The following NCAN variants were observed in gnomAD, a reference collection of about 807,000 sequenced individuals.
NCAN encodes neurocan core protein.
Under a neutral mutation model 121.8 loss-of-function variants are expected in NCAN, and 47 were observed. The observed-to-expected ratio is 0.39, with a 90% CI of 0.31 to 0.49. The LOEUF is 0.49. Ranked by LOEUF, NCAN falls within the 20% of genes least tolerant of loss-of-function variation. The pLI, the probability that NCAN is intolerant of heterozygous loss-of-function variation, is 0.92. For missense variants in NCAN, 1,517 were observed against 1,773.4 expected (o/e 0.86, Z 2.60); for synonymous variants, 633 against 702.0 (o/e 0.90, Z 1.55).
intron 1 of NCAN, among the ~76,000 whole-genome samples, chr19:19,213,192 C>T (rs1049974084): frequency 6.6e-6 from 1 of 152,096 alleles, no homozygotes; most frequent in African/African-American, 2.4e-5. Context: ...CCAGCCGTCG[C>T]AATAGCTGAT....
At chr19:19,218,791 C>A in intron 2 of NCAN, 124 bp from the exon 3 acceptor site, 2 of 997,104 alleles carry the variant, frequency 2.0e-6, no homozygotes, top group Non-Finnish European at 2.7e-6. Flanking sequence ...ATTCTGAGGT[C>A]AAGTGGCCCT....
At position 19,211,965 on chromosome 19, in the gene NCAN, A is replaced by G; in HGVS notation, c.-107A>G. 1 of 178,332 alleles carries G rather than the reference A, an allele frequency of 5.6e-6. No individual in the cohort carries two copies. The highest frequency in any genetic ancestry group is 7.0e-5 in the South Asian group (1 of 14,240). The allele number at this position is 178,332 out of a possible 1,614,324, so 11.0% of individuals were successfully genotyped here. A position where few individuals can be genotyped will look rare whatever the true frequency, so the allele number is the denominator to read the frequency against. Reference sequence around the variant, plus strand: ...GGCGGCGCTGGGGCCAGCGGAGCGCAGGGCGCAGGGGCTGGACCCGGCGCG... The same window carrying G: ...GGCGGCGCTGGGGCCAGCGGAGCGCGGGGCGCAGGGGCTGGACCCGGCGCG... On this transcript the variant is annotated 5_prime_UTR_variant, in exon 1 of 15. Transcript: ENST00000252575.
intron 8 of NCAN, 31 bp from the exon 9 acceptor site, chr19:19,233,758 C>T (rs142278919): frequency 1.4e-6 from 2 of 1,419,078 alleles, no homozygotes; most frequent in Non-Finnish European, 2.0e-6. Flanking sequence ...TGTGGCCTGA[C>T]TCTTCCCCAC....
intron 2 of NCAN, 111 bp downstream of exon 2, chr19:19,217,137 A>C (rs868240327): frequency 1.4e-6 from 1 of 729,560 alleles, no homozygotes. Context: ...GGGCTAGAGA[A>C]TAAAATGAGA....
chr19:19,236,709 C>T (rs1030945092), intron 10 of NCAN, among the ~76,000 whole-genome samples: 5 of 150,086 alleles, frequency 3.3e-5, no homozygotes, highest in Non-Finnish European at 5.9e-5. Flanking sequence ...GAATTACAGA[C>T]ATGAGCCACT....
chr19:19,239,274 C>T (rs1393550774), intron 11 of NCAN, among the ~76,000 whole-genome samples: 1 of 151,958 alleles, frequency 6.6e-6, no homozygotes, highest in Non-Finnish European at 1.5e-5. Flanking sequence ...GCCAGAGTCC[C>T]CACTTGTGGA....
intron 10 of NCAN, 93 bp from the exon 11 acceptor site, chr19:19,238,160 T>C (rs1055609651): frequency 2.0e-6 from 3 of 1,536,842 alleles, no homozygotes; most frequent in Non-Finnish European, 2.7e-6. Flanking sequence ...TGACCTTGGA[T>C]TGGGCCCTCT....
Position 19,238,256 on chromosome 19 carries a change from C to G in NCAN, c.3254C>G (p.Thr1085Ser). ...ACGCTCCTATCCCATCTCCCAGACA[C>G]CGAGGGCTGTGACCGCGGCTGGCAT... Reference protein sequence around the residue: ...SYGGSFCEKDTEGCDRGWHKF... With the variant: ...SYGGSFCEKDSEGCDRGWHKF... The change falls in exon 11 of 15, where the codon ACC becomes AGC. Residue 1085 changes from threonine to serine, a missense_variant. Coordinates refer to ENST00000252575, the MANE Select transcript of NCAN (RefSeq NM_004386.3). 1 of 1,614,142 alleles carries G rather than the reference C, an allele frequency of 6.2e-7. No individual in the cohort carries two copies. The highest frequency in any genetic ancestry group is 8.5e-7 in the Non-Finnish European group (1 of 1,180,026).
intron 1 of NCAN, among the ~76,000 whole-genome samples, chr19:19,213,649 G>A (rs1230665006): frequency 6.6e-6 from 1 of 152,052 alleles, no homozygotes; most frequent in Non-Finnish European, 1.5e-5. Context: ...CTGTGTCTGG[G>A]GTGCGTGGCT....
At chr19:19,223,688 G>T (rs1237105151) in intron 3 of NCAN, among the ~76,000 whole-genome samples, 1 of 152,084 alleles carries the variant, frequency 6.6e-6, no homozygotes, top group Non-Finnish European at 1.5e-5. Context: ...AGCCAGGCTG[G>T]TCTCGAACTC....
At chr19:19,239,922 C>T (rs2060897186) in intron 11 of NCAN, among the ~76,000 whole-genome samples, 1 of 141,194 alleles carries the variant, frequency 7.1e-6, no homozygotes. Context: ...CCTCTTCTCT[C>T]CTTCCTCCCT....
rs115188378 is a variant in NCAN at position 19,249,551 on chromosome 19, G to A, written c.3821-215G>A. On this transcript the variant is annotated intron_variant, in intron 14 of 14. Coordinates refer to ENST00000252575, the MANE Select transcript of NCAN (RefSeq NM_004386.3). ...CCTGGCTAATTTTTTTATTTTTGTA[G>A]AGATAGGTTCTCGCTATGTTGCCCA... 7.8e-3 allele frequency among the ~76,000 whole-genome samples: 1,179 copies of A among 152,092 alleles called. 16 individuals carry two copies. Among genetic ancestry groups the A allele is most frequent in the African/African-American group, 0.027 (1,106 of 41,462 alleles).
intron 8 of NCAN, among the ~76,000 whole-genome samples, chr19:19,232,434 A>G (rs1355507068): frequency 1.3e-5 from 2 of 152,242 alleles, no homozygotes; most frequent in Non-Finnish European, 2.9e-5. Context: ...GCGTGTGCAC[A>G]CACGTGCAGG....
intron 10 of NCAN, among the ~76,000 whole-genome samples, chr19:19,237,915 C>T (rs897159330): frequency 7.2e-5 from 11 of 151,898 alleles, no homozygotes; most frequent in African/African-American, 1.5e-4. Context: ...TGGTGGCGCA[C>T]GCCTGTAATC....
At chr19:19,248,274 G>A (rs932100554) in intron 13 of NCAN, among the ~76,000 whole-genome samples, 7 of 152,004 alleles carry the variant, frequency 4.6e-5, no homozygotes, top group Admixed American at 1.3e-4. Context: ...ACGAAACCCG[G>A]TCTCTACTAT....
chr19:19,238,244 A>C lies in NCAN; in HGVS notation c.3251-9A>C. On this transcript the variant is annotated splice_polypyrimidine_tract_variant and intron_variant, in intron 10 of 14. Transcript: ENST00000252575. ...CAGCCCCCCCTCACGCTCCTATCCC[A>C]TCTCCCAGACACCGAGGGCTGTGAC... 6.2e-7 allele frequency: 1 copy of C among 1,613,932 alleles called. No individual in the cohort carries two copies.
intron 12 of NCAN, among the ~76,000 whole-genome samples, chr19:19,243,624 C>T (rs575237681): frequency 6.6e-6 from 1 of 152,240 alleles, no homozygotes; most frequent in South Asian, 2.1e-4. Flanking sequence ...CCTCTTGAAC[C>T]CGGGAGGCGG....
At position 19,219,233 on chromosome 19, in the gene NCAN, G is replaced by T; in HGVS notation, c.392G>T (p.Arg131Met). 6.2e-7 allele frequency: 1 copy of T among 1,606,828 alleles called. No homozygotes were observed. Among genetic ancestry groups the T allele is most frequent in the Non-Finnish European group, 8.5e-7 (1 of 1,179,474 alleles). The change falls in exon 3 of 15, where the codon AGG becomes ATG. Residue 131 changes from arginine (R) to methionine (M), a missense_variant. Transcript: ENST00000252575. ...ANATLLLGPL[R>M]ASDSGLYRCQ... ...GCCACGCTACTTCTGGGGCCACTGA[G>T]GGCCAGTGACTCTGGGCTGTACCGC... is the stretch of plus-strand genomic sequence containing the variant.
Position 19,250,372 on chromosome 19 carries a change from T to C in NCAN, c.*461T>C, listed in dbSNP as rs1702378202. ...GACGTAGGGTCATTAGCTTTGGGAA[T>C]AGAAGGCTACACAGAAGCACACTGT... On this transcript the variant is annotated 3_prime_UTR_variant, in exon 15 of 15. Coordinates refer to ENST00000252575, the MANE Select transcript of NCAN (RefSeq NM_004386.3). 2.8e-6 allele frequency: 1 copy of C among 355,946 alleles called. No homozygotes were observed. The highest frequency in any genetic ancestry group is 2.2e-5 in the South Asian group (1 of 46,038). The allele number at this position is 355,946 out of a possible 1,614,324, so 22.0% of individuals were successfully genotyped here.
Sources: allele counts gnomAD v4.1 joint callset (sites outside exome capture counted in the v4.1 genomes callset), GRCh38; gene constraint gnomAD v4.1.1; transcripts MANE v1.5; gene names NCBI Gene and HGNC (gene_info 2026-07-23, HGNC 2026-07-21).